SCYL2: variants seen among roughly 807,000 people sequenced by gnomAD.
SCYL2 encodes SCY1-like protein 2.
In SCYL2, 36 loss-of-function variants were observed where a neutral mutation model predicts 100.4. The ratio of observed to expected loss-of-function variants is 0.36; its 90% CI spans 0.27 to 0.47. SCYL2 has a LOEUF of 0.47. SCYL2 is among the 20% of genes least tolerant of loss of function. The pLI, the probability that SCYL2 is intolerant of heterozygous loss-of-function variation, is 1.00. For missense variants in SCYL2, 902 were observed against 1,083.9 expected, an observed-to-expected ratio of 0.83 and a Z score of 2.36; for synonymous variants, 330 against 359.2, an observed-to-expected ratio of 0.92 and a Z score of 0.92.
chr12:100,283,655 G>C (rs11110328), intron 2 of SCYL2, among the ~76,000 whole-genome samples: 21,817 of 152,080 alleles, frequency 0.14, 1,796 homozygotes, highest in Non-Finnish European at 0.18. Flanking sequence ...GAAATATATG[G>C]GTTGTAAAAT....
chr12:100,336,366 G>A (rs1952276676), intron 16 of SCYL2, among the ~76,000 whole-genome samples: 2 of 151,958 alleles, frequency 1.3e-5, no homozygotes, highest in African/African-American at 4.8e-5. Context: ...TTCTTTTTGA[G>A]CCTAGCAACC....
intron 9 of SCYL2, among the ~76,000 whole-genome samples, chr12:100,316,425 G>T (rs2096348778): frequency 6.6e-6 from 1 of 152,204 alleles, no homozygotes; most frequent in Non-Finnish European, 1.5e-5. Context: ...AAATGAAAAG[G>T]ATTGTTGAGA....
At chr12:100,293,813 C>G (rs969880964) in intron 3 of SCYL2, among the ~76,000 whole-genome samples, 1 of 152,138 alleles carries the variant, frequency 6.6e-6, no homozygotes, top group African/African-American at 2.4e-5. Context: ...TGAGTGGACA[C>G]AGCACATGTT....
At chr12:100,335,994 C>A (rs1004237308) in intron 16 of SCYL2, 88 bp downstream of exon 16, 4 of 904,246 alleles carry the variant, frequency 4.4e-6, no homozygotes, top group Admixed American at 4.3e-5. Context: ...AAATACTGTT[C>A]AGCAGCTTAA....
Position 100,317,827 on chromosome 12 carries a change from A to G in SCYL2, c.1297A>G (p.Met433Val), listed in dbSNP as rs2096350766. ...GATTTTGTTAATTTTCCTACAAAAAATGGATTTGCTACTAACCAAAACCCC... is the reference window on the plus strand; with the variant it reads ...GATTTTGTTAATTTTCCTACAAAAAGTGGATTTGCTACTAACCAAAACCCC... ...IQILLIFLQK[M>V]DLLLTKTPPD... is the part of the protein sequence containing the mutation. The change falls in exon 10 of 18, where the codon ATG becomes GTG. Residue 433 changes from methionine to valine, a missense_variant. Met to Val is a conservative substitution (Grantham distance 21). Transcript: ENST00000360820. The G allele has an allele frequency of 6.2e-7, 1 of 1,600,532 alleles. No individual in the cohort carries two copies. The highest frequency in any genetic ancestry group is 8.5e-7 in the Non-Finnish European group (1 of 1,177,186).
chr12:100,333,334 C>A (rs1952234822), intron 13 of SCYL2, among the ~76,000 whole-genome samples: 1 of 152,170 alleles, frequency 6.6e-6, no homozygotes, highest in South Asian at 2.1e-4. Context: ...TATGAGCTCT[C>A]TAGCATCTCT....
At chr12:100,287,069 G>A (rs890611768) in intron 2 of SCYL2, among the ~76,000 whole-genome samples, 2 of 152,134 alleles carry the variant, frequency 1.3e-5, no homozygotes, top group African/African-American at 4.8e-5. Context: ...AGTCATGGGG[G>A]TCCATAAAAT....
chr12:100,335,779 T>A (rs1952268150), intron 15 of SCYL2, 32 bp from the exon 16 acceptor site: 1 of 1,598,546 alleles, frequency 6.3e-7, no homozygotes, highest in South Asian at 1.1e-5. Context: ...TTTATTGAAC[T>A]TATTTAAATT....
intron 2 of SCYL2, among the ~76,000 whole-genome samples, chr12:100,289,775 C>T (rs1276739701): frequency 1.3e-5 from 2 of 152,128 alleles, no homozygotes; most frequent in Admixed American, 1.3e-4. Flanking sequence ...CTCTTGATCA[C>T]TGTTATATTC....
chr12:100,269,135 C>T (rs1934530426), intron 1 of SCYL2, among the ~76,000 whole-genome samples: 2 of 152,162 alleles, frequency 1.3e-5, no homozygotes, highest in South Asian at 4.1e-4. Flanking sequence ...TGGCTTCTCA[C>T]CATTTTTAAG....
chr12:100,301,862 TG>T (rs1221764575), intron 4 of SCYL2, among the ~76,000 whole-genome samples: 1 of 152,180 alleles, frequency 6.6e-6, no homozygotes, highest in African/African-American at 2.4e-5. Flanking sequence ...CCACCACAGC[TG>T]GGAATGTGCT....
intron 12 of SCYL2, chr12:100,327,147 A>G (rs746676655): frequency 2.8e-6 from 1 of 356,290 alleles, no homozygotes; most frequent in South Asian, 2.2e-5. Context: ...TCTTCCCCAA[A>G]TTCAATTAAA....
Position 100,313,470 on chromosome 12 carries a change from C to G in SCYL2, c.901C>G (p.Arg301Gly). The part of the protein sequence containing the change: ...SSLTNIPEEV[R>G]EHVKLLLNVT... ...ACTTACAAATATACCTGAGGAAGTTCGTGAACATGTAAAGCTACTGTTAAA... is the reference window on the plus strand; with the variant it reads ...ACTTACAAATATACCTGAGGAAGTTGGTGAACATGTAAAGCTACTGTTAAA... Residue 301 changes from arginine (R) to glycine (G), a missense_variant, in exon 7 of 18, where the codon CGT (arginine) becomes GGT (glycine). Coordinates refer to ENST00000360820, the MANE Select transcript of SCYL2 (RefSeq NM_017988.6). 1 of 1,600,752 alleles carries G rather than the reference C, an allele frequency of 6.2e-7. No homozygotes were observed. Among genetic ancestry groups the G allele is most frequent in the Non-Finnish European group, 8.5e-7 (1 of 1,171,346 alleles).
chr12:100,268,575 A>T (rs951677821), intron 1 of SCYL2, among the ~76,000 whole-genome samples: 1 of 152,210 alleles, frequency 6.6e-6, no homozygotes, highest in Non-Finnish European at 1.5e-5. Context: ...AAGGGCCTTC[A>T]TTCTCTTTAG....
chr12:100,317,798 AAC>A lies in SCYL2; in HGVS notation c.1273-3_1273-2del. On this transcript the variant is annotated splice_polypyrimidine_tract_variant and splice_region_variant and intron_variant, in intron 9 of 17. Transcript: ENST00000360820. The stretch of plus-strand genomic sequence containing the variant: ...TTTAATACATTGTTTCCGTTTTCTA[AAC>A]AGATTTTGTTAATTTTCCTACAAAA... 6.3e-7 allele frequency: 1 copy of A among 1,589,716 alleles called. No homozygotes were observed. The highest frequency in any genetic ancestry group is 8.5e-7 in the Non-Finnish European group (1 of 1,174,498).
In SCYL2 at chr12:100,291,675, A is replaced by T. The variant is rs143488589; in HGVS notation, c.335+15A>T. ...GAAGAATCCAGGTAAATTTTTACAA[A>T]AACTTACATAGTAGACTTCCTGAAC... On this transcript the variant is annotated intron_variant, in intron 3 of 17. Transcript: ENST00000360820. 8.7e-5 allele frequency: 136 copies of T among 1,562,430 alleles called. No individual in the cohort carries two copies. The African/African-American group carries it at 1.3e-3, about 15-fold the overall frequency.
intron 10 of SCYL2, among the ~76,000 whole-genome samples, chr12:100,321,557 G>T (rs2096355762): frequency 6.6e-6 from 1 of 152,140 alleles, no homozygotes; most frequent in East Asian, 1.9e-4. Context: ...TAGTTAACAA[G>T]AATGTTTTAA....
Position 100,338,992 on chromosome 12 carries a change from T to G in SCYL2, c.2610T>G (p.Pro870=). 6.2e-7 allele frequency: 1 copy of G among 1,614,106 alleles called. No individual in the cohort carries two copies. The highest frequency in any genetic ancestry group is 1.1e-5 in the South Asian group (1 of 91,088). ...KPNQWLNQFV[P]PQGSPTMGSS... ...ATCAGTGGCTTAATCAGTTTGTACC[T>G]CCTCAAGGTTCTCCAACTATGGGCA... The change falls in exon 18 of 18, where the codon CCT becomes CCG. Residue 870 remains proline, a synonymous_variant. Transcript: ENST00000360820.
rs1253632701 is a variant in SCYL2 at position 100,334,282 on chromosome 12, A to G, written c.1862+16A>G. The G allele has an allele frequency of 1.5e-6, 2 of 1,328,620 alleles. No homozygotes were observed. Among genetic ancestry groups the G allele is most frequent in the East Asian group, 4.6e-5 (2 of 43,482 alleles). 82.3% of individuals were successfully genotyped at this position (1,328,620 alleles called of 1,614,324 possible). A position where few individuals can be genotyped will look rare whatever the true frequency, so the allele number is the denominator to read the frequency against. ...AACAGCAGAAGTAAGTAGGTTGCAC[A>G]TGAATTATATGTGGTCCGGGAGTGA... On this transcript the variant is annotated intron_variant, in intron 14 of 17. Coordinates refer to ENST00000360820, the MANE Select transcript of SCYL2 (RefSeq NM_017988.6).
Sources: gnomAD v4.1 joint callset for allele counts (sites outside exome capture counted in the v4.1 genomes callset) on GRCh38, gnomAD v4.1.1 for gene constraint, MANE v1.5 for transcripts, NCBI Gene and HGNC (gene_info 2026-07-23, HGNC 2026-07-21) for gene names.